Variants in PCDHGB2 observed in about 807,000 individuals in gnomAD.
PCDHGB2 encodes the protein protocadherin gamma-B2.
Under a neutral mutation model 59.3 loss-of-function variants are expected in PCDHGB2, and 55 were observed. That is an observed-to-expected ratio of 0.93 (90% CI 0.75 to 1.16). The LOEUF is 1.16. Ranked by LOEUF, PCDHGB2 falls within the 50% of genes most tolerant of loss-of-function variation. PCDHGB2 has a pLI of 0.00. For synonymous variants in PCDHGB2, 516 were observed against 512.0 expected (o/e 1.01, Z -0.11); for missense variants, 1,228 against 1,198.5 (o/e 1.02, Z -0.36).
At position 141,496,266 on chromosome 5, in the gene PCDHGB2, AAGACCTTC is replaced by A. The variant is rs2099767586; in HGVS notation, c.2480+1404_2480+1411del. Among the ~76,000 whole-genome samples the A allele has an allele frequency of 2.0e-5, 3 of 152,152 alleles. No homozygotes were observed. The South Asian group carries it at 6.2e-4, about 32-fold the overall frequency. Reference sequence around the variant, plus strand: ...TGAAGGGGAGGGAAACTTCAGCAGAAAGACCTTCAGTTGGTCTGAGCAGAGTGGGATAG... The same window carrying A: ...TGAAGGGGAGGGAAACTTCAGCAGAAAGTTGGTCTGAGCAGAGTGGGATAG... On this transcript the variant is annotated intron_variant, in intron 2 of 3. Coordinates refer to ENST00000522605, the MANE Select transcript of PCDHGB2 (RefSeq NM_018923.3).
Position 141,431,581 on chromosome 5 carries a change from T to C in PCDHGB2, c.2422-63226T>C. The C allele has an allele frequency of 1.2e-6, 2 of 1,614,160 alleles. No individual in the cohort carries two copies. Among genetic ancestry groups the C allele is most frequent in the Non-Finnish European group, 1.7e-6 (2 of 1,180,022 alleles). ...CTACCGACCCTGACGAAGGAGTCAA[T>C]GCGGAAGTGAGGTATTCCTTCCGGT... On this transcript the variant is annotated intron_variant, in intron 1 of 3. Transcript: ENST00000522605. This position sits in a 1 kb window ranked among gnomAD's most constrained non-coding sequence, Gnocchi z 4.8.
intron 1 of PCDHGB2, among the ~76,000 whole-genome samples, chr5:141,447,378 T>C (rs2098536967): frequency 6.6e-6 from 1 of 152,148 alleles, no homozygotes; most frequent in Non-Finnish European, 1.5e-5. Context: ...ACCCTGGTGA[T>C]CTGCCCACCT....
chr5:141,495,005 CG>C (rs2099758180), intron 2 of PCDHGB2, 140 bp downstream of exon 2: 2 of 1,522,694 alleles, frequency 1.3e-6, no homozygotes, highest in African/African-American at 1.4e-5. Context: ...TCTTGGTGTG[CG>C]GGGGGCTGGC....
At chr5:141,448,021 G>A (rs1376525971) in intron 1 of PCDHGB2, among the ~76,000 whole-genome samples, 2 of 152,050 alleles carry the variant, frequency 1.3e-5, no homozygotes, top group African/African-American at 4.8e-5. Context: ...AGGAGGTGGA[G>A]GTTGCAGTGA....
chr5:141,414,517 G>C, intron 1 of PCDHGB2: 1 of 1,613,964 alleles, frequency 6.2e-7, no homozygotes, highest in South Asian at 1.1e-5. Context: ...ACAAGTGGCA[G>C]ATATCAATGA....
chr5:141,372,439 C>G, intron 1 of PCDHGB2: 2 of 1,614,068 alleles, frequency 1.2e-6, no homozygotes, highest in Non-Finnish European at 1.7e-6. Context: ...CCCACTCCCT[C>G]TGACCCTCAG....
chr5:141,363,612 G>T (rs961880726), intron 1 of PCDHGB2, among the ~76,000 whole-genome samples: 11 of 152,222 alleles, frequency 7.2e-5, no homozygotes, highest in Admixed American at 3.3e-4. Flanking sequence ...GTCTGAGATA[G>T]TGGAGAGACT....
intron 1 of PCDHGB2, chr5:141,423,883 A>T (rs1211746978): frequency 1.6e-6 from 2 of 1,283,342 alleles, no homozygotes; most frequent in Admixed American, 7.5e-5. Context: ...CAATCTTGGC[A>T]TATTTTCTTT....
chr5:141,447,954 C>T (rs927510517), intron 1 of PCDHGB2, among the ~76,000 whole-genome samples: 11 of 151,814 alleles, frequency 7.2e-5, no homozygotes, highest in Non-Finnish European at 1.2e-4. Flanking sequence ...GGCATGGTGG[C>T]GGACACCTAT....
intron 1 of PCDHGB2, chr5:141,430,540 G>T: frequency 2.6e-6 from 1 of 386,954 alleles, no homozygotes; most frequent in Admixed American, 4.2e-5. Flanking sequence ...GACTCTGAGC[G>T]CCGCTGTTCA....
chr5:141,366,386 G>C, intron 1 of PCDHGB2: 1 of 1,614,164 alleles, frequency 6.2e-7, no homozygotes, highest in South Asian at 1.1e-5. Flanking sequence ...TGACCCTGAG[G>C]ATCTGGACCT....
intron 1 of PCDHGB2, chr5:141,384,126 C>T (rs749225079): frequency 1.9e-6 from 3 of 1,610,938 alleles, no homozygotes; most frequent in Non-Finnish European, 2.5e-6. Context: ...CAACCAAAAA[C>T]TTGGACCGGG....
intron 1 of PCDHGB2, chr5:141,374,687 C>G (rs1443411888): frequency 6.2e-7 from 1 of 1,609,446 alleles, no homozygotes; most frequent in African/African-American, 1.3e-5. Context: ...CACACTGGAC[C>G]GGGAAGGAGA....
At chr5:141,411,578 T>C (rs892738350) in intron 1 of PCDHGB2, 10 of 152,194 alleles carry the variant, frequency 6.6e-5, no homozygotes, top group African/African-American at 2.4e-4. Flanking sequence ...AGTGCGACCC[T>C]GTCTCTAAAA....
At chr5:141,446,169 C>A (rs920519501) in intron 1 of PCDHGB2, among the ~76,000 whole-genome samples, 1 of 152,014 alleles carries the variant, frequency 6.6e-6, no homozygotes, top group African/African-American at 2.4e-5. Flanking sequence ...TTCATGAGGG[C>A]AGGGGGTGTT....
chr5:141,490,033 A>C lies in PCDHGB2; in HGVS notation c.2422-4774A>C, dbSNP rs200482631. The C allele has an allele frequency of 4.0e-5, 65 of 1,614,116 alleles. No homozygotes were observed. Among genetic ancestry groups the C allele is most frequent in the Non-Finnish European group, 4.1e-5 (48 of 1,180,040 alleles). On this transcript the variant is annotated intron_variant, in intron 1 of 3. Transcript: ENST00000522605. This position sits in a 1 kb window ranked among gnomAD's most constrained non-coding sequence, Gnocchi z 5.4. ...CATTGGTACTCTGCTGCTCCGCCTC[A>C]ATGCCACTGATCCAGACGAGGGCAC...
chr5:141,465,251 A>T (rs1436627558), intron 1 of PCDHGB2, among the ~76,000 whole-genome samples: 1 of 152,214 alleles, frequency 6.6e-6, no homozygotes, highest in Non-Finnish European at 1.5e-5. Flanking sequence ...GCACTTTTGT[A>T]AGCAATGATA....
At chr5:141,503,916 C>T (rs1372491893) in intron 2 of PCDHGB2, among the ~76,000 whole-genome samples, 1 of 152,246 alleles carries the variant, frequency 6.6e-6, no homozygotes, top group African/African-American at 2.4e-5. Context: ...CAACGCAACA[C>T]ACACACAGAC....
At chr5:141,364,781 C>A in intron 1 of PCDHGB2, 1 of 1,613,988 alleles carries the variant, frequency 6.2e-7, no homozygotes, top group Non-Finnish European at 8.5e-7. Context: ...TGCAGGGACA[C>A]GGTTAGTGCT....
Sources: allele counts gnomAD v4.1 joint callset (sites outside exome capture counted in the v4.1 genomes callset), GRCh38; gene constraint gnomAD v4.1.1; non-coding constraint Gnocchi (gnomAD v3.1); transcripts MANE v1.5; gene names NCBI Gene and HGNC (gene_info 2026-07-23, HGNC 2026-07-21).